KCND2: variants seen among roughly 807,000 people sequenced by gnomAD.
KCND2 encodes A-type voltage-gated potassium channel KCND2.
KCND2 carries 16 observed loss-of-function variants against 54.4 expected under a neutral mutation model. The observed-to-expected ratio is 0.29, with a 90% CI of 0.20 to 0.45. The LOEUF (loss-of-function observed/expected upper bound fraction) is 0.45, where lower values mean the gene tolerates loss of function less well. KCND2 is among the 20% of genes least tolerant of loss of function. The pLI, the probability that KCND2 is intolerant of heterozygous loss-of-function variation, is 1.00. For missense variants in KCND2, 486 were observed against 824.2 expected (o/e 0.59, Z 5.02); for synonymous variants, 317 against 310.7 (o/e 1.02, Z -0.21).
chr7:120,567,191 T>C (rs911713101), intron 1 of KCND2, among the ~76,000 whole-genome samples: 1 of 152,216 alleles, frequency 6.6e-6, no homozygotes, highest in African/African-American at 2.4e-5. Flanking sequence ...TTGAAATGAT[T>C]GCTGTGTTTT....
chr7:120,433,643 G>A (rs1801826272), intron 1 of KCND2, among the ~76,000 whole-genome samples: 1 of 152,170 alleles, frequency 6.6e-6, no homozygotes, highest in Non-Finnish European at 1.5e-5. Flanking sequence ...TGCTCTGTAA[G>A]TATTGAATAA....
At chr7:120,415,342 A>G (rs887859464) in intron 1 of KCND2, among the ~76,000 whole-genome samples, 1 of 152,338 alleles carries the variant, frequency 6.6e-6, no homozygotes. Flanking sequence ...GGAGACAAAT[A>G]AAGTTACAGG....
chr7:120,347,264 T>G (rs1365154457), intron 1 of KCND2, among the ~76,000 whole-genome samples: 1 of 152,212 alleles, frequency 6.6e-6, no homozygotes. Flanking sequence ...GCAGGGTCTT[T>G]AGCCCTTAAC....
intron 1 of KCND2, among the ~76,000 whole-genome samples, chr7:120,638,364 G>C (rs996491993): frequency 2.1e-4 from 32 of 152,108 alleles, no homozygotes; most frequent in African/African-American, 7.5e-4. Flanking sequence ...CAAGTTTGAT[G>C]TCAGAAGTTT....
At position 120,500,527 on chromosome 7, in the gene KCND2, A is replaced by T. The variant is rs1236083969; in HGVS notation, c.1115+224780A>T. The stretch of plus-strand genomic sequence containing the variant: ...TTTTTAGAAATTCCCAGGTATTTGT[A>T]CTTCTTTGAAATTCTTCGTAAGACC... On this transcript the variant is annotated intron_variant, in intron 1 of 5. Coordinates refer to ENST00000331113, the MANE Select transcript of KCND2 (RefSeq NM_012281.3). 2.6e-5 allele frequency among the ~76,000 whole-genome samples: 4 copies of T among 152,066 alleles called. No individual in the cohort carries two copies. In the East Asian group the frequency reaches 7.7e-4, roughly 29 times the overall value.
intron 1 of KCND2, among the ~76,000 whole-genome samples, chr7:120,365,392 A>G (rs1192758977): frequency 1.3e-5 from 2 of 152,120 alleles, no homozygotes; most frequent in Non-Finnish European, 2.9e-5. Flanking sequence ...GACAGTAGCA[A>G]TCTAGCAGGT....
intron 1 of KCND2, among the ~76,000 whole-genome samples, chr7:120,547,763 G>A (rs1345467007): frequency 1.3e-5 from 2 of 152,036 alleles, no homozygotes; most frequent in African/African-American, 4.8e-5. Context: ...TGTTCTTTGT[G>A]TTGTCTGTGC....
At chr7:120,428,510 G>C (rs1470976203) in intron 1 of KCND2, among the ~76,000 whole-genome samples, 1 of 152,210 alleles carries the variant, frequency 6.6e-6, no homozygotes, top group Non-Finnish European at 1.5e-5. Flanking sequence ...TCATATTTAA[G>C]ACACTGGATA....
intron 1 of KCND2, among the ~76,000 whole-genome samples, chr7:120,493,515 C>T (rs902982224): frequency 6.6e-6 from 1 of 151,810 alleles, no homozygotes; most frequent in Non-Finnish European, 1.5e-5. Context: ...AGAATTCTTG[C>T]AAATCCATAA....
chr7:120,579,695 TC>T (rs1483588905), intron 1 of KCND2, among the ~76,000 whole-genome samples: 1 of 151,386 alleles, frequency 6.6e-6, no homozygotes, highest in East Asian at 1.9e-4. Context: ...TCCCACTGTT[TC>T]TTTTTTTTAA....
chr7:120,410,140 A>C (rs1292023931), intron 1 of KCND2, among the ~76,000 whole-genome samples: 1 of 151,936 alleles, frequency 6.6e-6, no homozygotes, highest in Non-Finnish European at 1.5e-5. Flanking sequence ...AGTTGTTGAA[A>C]AGATCATCTT....
intron 1 of KCND2, among the ~76,000 whole-genome samples, chr7:120,386,287 C>T (rs912764499): frequency 6.6e-6 from 1 of 152,126 alleles, no homozygotes. Context: ...ATGAGGTTCA[C>T]TCTTAAGTGG....
chr7:120,577,071 C>T lies in KCND2; in HGVS notation c.1116-155832C>T, dbSNP rs574444027. 2.1e-4 allele frequency among the ~76,000 whole-genome samples: 32 copies of T among 152,016 alleles called. 1 individual carries two copies. In the South Asian group the frequency reaches 4.4e-3, roughly 21 times the overall value. ...CTGAGGCAGGAGAATTGCTTGAACC[C>T]GGGGGGTTGAAGTTGCAGTGAGCCA... is the stretch of plus-strand genomic sequence containing the variant. On this transcript the variant is annotated intron_variant, in intron 1 of 5. Transcript: ENST00000331113.
At chr7:120,450,723 AG>A (rs1802091078) in intron 1 of KCND2, among the ~76,000 whole-genome samples, 1 of 152,198 alleles carries the variant, frequency 6.6e-6, no homozygotes, top group Non-Finnish European at 1.5e-5. Flanking sequence ...CATTTAAAGG[AG>A]TAGGCTTTAG....
intron 1 of KCND2, among the ~76,000 whole-genome samples, chr7:120,575,050 G>C (rs1374919324): frequency 3.3e-5 from 5 of 152,000 alleles, no homozygotes; most frequent in Admixed American, 3.3e-4. Flanking sequence ...GAGTTCTCTA[G>C]AGGGACAAAA....
At chr7:120,681,323 A>G (rs939445417) in intron 1 of KCND2, among the ~76,000 whole-genome samples, 1 of 151,994 alleles carries the variant, frequency 6.6e-6, no homozygotes, top group East Asian at 1.9e-4. Context: ...GGATTCTAAA[A>G]TCCCTTCCAG....
intron 1 of KCND2, among the ~76,000 whole-genome samples, chr7:120,693,414 T>C (rs1344862049): frequency 6.6e-6 from 1 of 152,152 alleles, no homozygotes; most frequent in African/African-American, 2.4e-5. Flanking sequence ...TCGTTCTCCC[T>C]CCTCAAGGCA....
intron 1 of KCND2, among the ~76,000 whole-genome samples, chr7:120,515,880 A>C (rs1423850288): frequency 6.6e-6 from 1 of 152,154 alleles, no homozygotes. Flanking sequence ...AGTCAGAAGA[A>C]GAAGAAAGAG....
chr7:120,715,059 C>A (rs1027680388), intron 1 of KCND2, among the ~76,000 whole-genome samples: 1 of 152,026 alleles, frequency 6.6e-6, no homozygotes, highest in African/African-American at 2.4e-5. Context: ...CCTTGGCATT[C>A]ACCTTCATTA....
Sources: gnomAD v4.1 joint callset for allele counts (sites outside exome capture counted in the v4.1 genomes callset) on GRCh38, gnomAD v4.1.1 for gene constraint, MANE v1.5 for transcripts, NCBI Gene and HGNC (gene_info 2026-07-23, HGNC 2026-07-21) for gene names.